Variants in AFAP1L1 observed in about 807,000 individuals in gnomAD.
AFAP1L1 encodes the protein actin filament associated protein 1 like 1.
Under a neutral mutation model 99.8 loss-of-function variants are expected in AFAP1L1, and 77 were observed. The observed-to-expected ratio is 0.77, with a 90% CI of 0.64 to 0.93. AFAP1L1 has a LOEUF of 0.93. Among genes scored for constraint, AFAP1L1 ranks in the 40% least tolerant of loss-of-function variants. AFAP1L1 has a pLI of 0.00. For missense variants in AFAP1L1, 893 were observed against 996.8 expected, an observed-to-expected ratio of 0.90 and a Z score of 1.40; for synonymous variants, 373 against 395.3, an observed-to-expected ratio of 0.94 and a Z score of 0.67.
At chr5:149,287,769 G>A (rs997938895) in intron 1 of AFAP1L1, among the ~76,000 whole-genome samples, 5 of 87,326 alleles carry the variant, frequency 5.7e-5, no homozygotes, top group Admixed American at 1.2e-4. Flanking sequence ...TTTTTTTTTT[G>A]TATTTTTAGT....
At chr5:149,310,282 A>G in intron 8 of AFAP1L1, 147 bp downstream of exon 8, 2 of 981,772 alleles carry the variant, frequency 2.0e-6, no homozygotes, top group Non-Finnish European at 2.9e-6. Flanking sequence ...GGGCTTATGT[A>G]TGGAAATGGG....
Position 149,343,144 on chromosome 5 carries a change from A to G in AFAP1L1, c.*3114A>G, listed in dbSNP as rs575248571. 1.5e-4 allele frequency among the ~76,000 whole-genome samples: 23 copies of G among 152,282 alleles called. No individual in the cohort carries two copies. The South Asian group carries it at 4.8e-3, about 32-fold the overall frequency. On this transcript the variant is annotated 3_prime_UTR_variant, in exon 19 of 19. Transcript: ENST00000296721. ...TTTCATAAGGCCAAAAAGAAAATAT[A>G]AGTTATTGGTCATGACACATTTGAG... is the stretch of plus-strand genomic sequence containing the variant.
intron 9 of AFAP1L1, among the ~76,000 whole-genome samples, chr5:149,314,264 T>C (rs745353417): frequency 2.0e-5 from 3 of 152,174 alleles, no homozygotes; most frequent in African/African-American, 4.8e-5. Flanking sequence ...GAAAGCAGCG[T>C]TGACAGTGTC....
intron 9 of AFAP1L1, 51 bp from the exon 10 acceptor site, chr5:149,315,770 G>C: frequency 6.6e-7 from 1 of 1,520,328 alleles, no homozygotes; most frequent in Non-Finnish European, 9.1e-7. Context: ...GGGAAATTTG[G>C]GTACTTCTGA....
At chr5:149,318,040 G>A (rs1756850242) in intron 12 of AFAP1L1, 100 bp downstream of exon 12, 1 of 1,346,520 alleles carries the variant, frequency 7.4e-7, no homozygotes, top group Non-Finnish European at 1.0e-6. Flanking sequence ...GACACCATGG[G>A]GACTGAAGGG....
chr5:149,329,700 C>G lies in AFAP1L1; in HGVS notation c.1845C>G (p.Ala615=). ...AATACAAGTATGGCAAGAACCGAGC[C>G]GAGGAGGATGCCCGGAGGTACTTGG... ...ANQYKYGKNR[A]EEDARRYLVE... is the part of the protein sequence containing the mutation. Residue 615 remains alanine (A), a synonymous_variant, in exon 16 of 19, where the codon GCC becomes GCG. Transcript: ENST00000296721. The G allele has an allele frequency of 6.2e-7, 1 of 1,613,948 alleles. No individual in the cohort carries two copies. The highest frequency in any genetic ancestry group is 8.5e-7 in the Non-Finnish European group (1 of 1,179,974).
intron 10 of AFAP1L1, 56 bp from the exon 11 acceptor site, chr5:149,316,095 T>C: frequency 6.3e-7 from 1 of 1,594,410 alleles, no homozygotes; most frequent in African/African-American, 1.3e-5. Context: ...CAAGGAAGAC[T>C]AAGGATGGGT....
At chr5:149,294,608 T>C (rs1755962536) in intron 1 of AFAP1L1, among the ~76,000 whole-genome samples, 1 of 152,144 alleles carries the variant, frequency 6.6e-6, no homozygotes, top group Non-Finnish European at 1.5e-5. Flanking sequence ...TGGTCTATTT[T>C]TTTTCTATGA....
chr5:149,313,155 C>G (rs1033270501), intron 9 of AFAP1L1, among the ~76,000 whole-genome samples: 38 of 151,232 alleles, frequency 2.5e-4, no homozygotes, highest in African/African-American at 8.5e-4. Flanking sequence ...AAGGAGCGTG[C>G]CTGTTTGGAA....
At chr5:149,299,385 G>A (rs760590376) in intron 1 of AFAP1L1, 124 bp from the exon 2 acceptor site, 119 of 1,346,076 alleles carry the variant, frequency 8.8e-5, no homozygotes, top group Non-Finnish European at 1.2e-4. Flanking sequence ...CCCCAGGTCC[G>A]CTTGCACACC....
intron 9 of AFAP1L1, among the ~76,000 whole-genome samples, chr5:149,313,092 C>T (rs1756686366): frequency 6.6e-6 from 1 of 150,924 alleles, no homozygotes; most frequent in African/African-American, 2.4e-5. Flanking sequence ...TGCCATTGCA[C>T]TCCAGCCTGG....
rs770509254 is a variant in AFAP1L1 at position 149,340,030 on chromosome 5, G to C, written c.2307G>C (p.Ter769TyrextTer50). Residue 769 changes from the stop codon to tyrosine (Y), a stop_lost, in exon 19 of 19, where the codon TAG (stop) becomes TAC (tyrosine). Coordinates refer to ENST00000296721, the MANE Select transcript of AFAP1L1 (RefSeq NM_152406.4). Reference protein sequence around the residue: ...KAKEWEMKKT* With the variant: ...KAKEWEMKKTY The stretch of plus-strand genomic sequence containing the variant: ...AGGAATGGGAAATGAAGAAGACCTA[G>C]GAAGAGGATGAGGATTTCATTCCAA... 1.2e-5 allele frequency: 20 copies of C among 1,613,920 alleles called. No homozygotes were observed. Among genetic ancestry groups the C allele is most frequent in the Non-Finnish European group, 1.6e-5 (19 of 1,179,974 alleles).
intron 12 of AFAP1L1, among the ~76,000 whole-genome samples, chr5:149,318,524 A>G (rs1359738131): frequency 2.0e-5 from 3 of 152,230 alleles, no homozygotes; most frequent in Non-Finnish European, 2.9e-5. Context: ...AATTAGGCCT[A>G]TTCTGCATAC....
At chr5:149,282,396 A>G (rs1401565870) in intron 1 of AFAP1L1, among the ~76,000 whole-genome samples, 1 of 152,222 alleles carries the variant, frequency 6.6e-6, no homozygotes. Context: ...GGCAAGAGTC[A>G]CAGCTAAATG....
Position 149,340,096 on chromosome 5 carries a change from T to A in AFAP1L1, c.*66T>A. The stretch of plus-strand genomic sequence containing the variant: ...GTCCACCTGAGGAAGAAATGCTTTT[T>A]TCACAAGGAGACACCAAGAGAAGAC... On this transcript the variant is annotated 3_prime_UTR_variant, in exon 19 of 19. Coordinates refer to ENST00000296721, the MANE Select transcript of AFAP1L1 (RefSeq NM_152406.4). The A allele has an allele frequency of 1.9e-6, 3 of 1,594,466 alleles. No individual in the cohort carries two copies. In the Admixed American group the frequency reaches 5.0e-5, roughly 27 times the overall value.
chr5:149,339,760 G>T (rs1561689937), intron 18 of AFAP1L1, among the ~76,000 whole-genome samples: 1 of 152,130 alleles, frequency 6.6e-6, no homozygotes, highest in Non-Finnish European at 1.5e-5. Flanking sequence ...TGAGCAAAGG[G>T]TTTTGGATAT....
At chr5:149,319,038 G>A (rs886710128) in intron 12 of AFAP1L1, among the ~76,000 whole-genome samples, 3 of 152,162 alleles carry the variant, frequency 2.0e-5, no homozygotes, top group African/African-American at 4.8e-5. Context: ...TGTGCTTTAT[G>A]TATTCAAGTT....
At chr5:149,302,035 T>C (rs1756236955) in intron 4 of AFAP1L1, among the ~76,000 whole-genome samples, 1 of 152,224 alleles carries the variant, frequency 6.6e-6, no homozygotes, top group East Asian at 1.9e-4. Context: ...CTGCGGGTGG[T>C]CCTGCCTCAC....
Position 149,310,151 on chromosome 5 carries a change from C to G in AFAP1L1, c.927+16C>G. 6.4e-7 allele frequency: 1 copy of G among 1,568,464 alleles called. No individual in the cohort carries two copies. Among genetic ancestry groups the G allele is most frequent in the Non-Finnish European group, 8.6e-7 (1 of 1,156,120 alleles). On this transcript the variant is annotated intron_variant, in intron 8 of 18. Transcript: ENST00000296721. Reference sequence around the variant, plus strand: ...GTGGCTGAAGGTGCGTGGCCTGCACCTGACCTTCCCGCCTTCTCACCCTTT... The same window carrying G: ...GTGGCTGAAGGTGCGTGGCCTGCACGTGACCTTCCCGCCTTCTCACCCTTT...
Sources: gnomAD v4.1 joint callset for allele counts (sites outside exome capture counted in the v4.1 genomes callset) on GRCh38, gnomAD v4.1.1 for gene constraint, MANE v1.5 for transcripts, NCBI Gene and HGNC (gene_info 2026-07-23, HGNC 2026-07-21) for gene names.